The following PHF6 variants were observed in gnomAD, a reference collection of about 807,000 sequenced individuals.
PHF6 encodes PHD-like zinc finger protein.
A neutral mutation model predicts 34.0 loss-of-function variants in PHF6; 7 were observed. The observed-to-expected ratio is 0.21, with a 90% CI of 0.12 to 0.39. The LOEUF is 0.39. Ranked by LOEUF, PHF6 falls within the 10% of genes least tolerant of loss-of-function variation. The pLI, the probability that PHF6 is intolerant of heterozygous loss-of-function variation, is 1.00. For synonymous variants in PHF6, 89 were observed against 88.4 expected (o/e 1.01, Z -0.04); for missense variants, 128 against 262.8 (o/e 0.49, Z 3.55).
rs1175795678 is a variant in PHF6, at chrX:134,400,036, T to C, written c.418+6084T>C. On this transcript the variant is annotated intron_variant, in intron 5 of 10. Coordinates refer to ENST00000370803, the MANE Select transcript of PHF6 (RefSeq NM_001015877.2). ...ATGTCGTAGTTGGAATCATACAGTA[T>C]ATAGCTTTTTTCAGATTGGTCTCTT... Among the ~76,000 whole-genome samples, 4 of 111,585 alleles carry C rather than the reference T, an allele frequency of 3.6e-5. No individual in the cohort carries two copies. In the East Asian group the frequency reaches 8.4e-4, roughly 23 times the overall value.
At chrX:134,391,365 A>G (rs1405478189) in intron 3 of PHF6, among the ~76,000 whole-genome samples, 1 of 111,876 alleles carries the variant, frequency 8.9e-6, no homozygotes, top group Non-Finnish European at 1.9e-5. Context: ...TAATTGCTTG[A>G]GTGTGATTAT....
chrX:134,412,605 T>C (rs775809530), intron 5 of PHF6, among the ~76,000 whole-genome samples: 3 of 111,766 alleles, frequency 2.7e-5, no homozygotes, highest in Non-Finnish European at 5.6e-5. Context: ...ATTTGGTTTT[T>C]ATTACCCTTT....
At position 134,425,816 on chromosome X, in the gene PHF6, T is replaced by C. The variant is rs2077505752; in HGVS notation, c.*156T>C. On this transcript the variant is annotated 3_prime_UTR_variant, in exon 11 of 11. Transcript: ENST00000370803. ...CTGCCTAAAAATGTCTTGTTTGTTT[T>C]ATGAGCCCTCACTAGAAGGCTGAGT... 3 of 181,645 alleles carry C rather than the reference T, an allele frequency of 1.7e-5. No individual in the cohort carries two copies. In the Admixed American group the frequency reaches 2.2e-4, roughly 13 times the overall value. The allele number at this position is 181,645 out of a possible 1,213,427, so 15.0% of individuals were successfully genotyped here. A position where few individuals can be genotyped will look rare whatever the true frequency, so the allele number is the denominator to read the frequency against.
At chrX:134,383,864 CTT>C (rs1236826008) in intron 3 of PHF6, among the ~76,000 whole-genome samples, 2 of 111,552 alleles carry the variant, frequency 1.8e-5, no homozygotes, top group African/African-American at 6.5e-5. Flanking sequence ...TCCAAAATCA[CTT>C]TTAAAGAAAC....
At position 134,428,009 on chromosome X, in the gene PHF6, A is replaced by T; in HGVS notation, c.*2349A>T. 1 of 155,379 alleles carries T rather than the reference A, an allele frequency of 6.4e-6. No homozygotes were observed. Among genetic ancestry groups the T allele is most frequent in the Non-Finnish European group, 1.3e-5 (1 of 78,720 alleles). The allele number at this position is 155,379 out of a possible 1,213,427, so 12.8% of individuals were successfully genotyped here. On this transcript the variant is annotated 3_prime_UTR_variant, in exon 11 of 11. Transcript: ENST00000370803. ...CTTAACTGTAGTTTTAATAAGCATG[A>T]CATTATTTGATAAGTATATAACATT...
intron 5 of PHF6, among the ~76,000 whole-genome samples, chrX:134,406,110 C>CTTTCTTTCT (rs1556017668): frequency 4.0e-4 from 31 of 77,016 alleles, no homozygotes; most frequent in Non-Finnish European, 6.9e-4. Flanking sequence ...TTCTTTCTTT[C>CTTTCTTTCT]TTTTTTTTTT....
chrX:134,420,193 A>G (rs901475454), intron 9 of PHF6: 3 of 109,480 alleles, frequency 2.7e-5, no homozygotes, highest in Non-Finnish European at 5.7e-5. Flanking sequence ...TCACGCCTGT[A>G]ATCTCAACAC....
rs2077511151 is a variant in PHF6 at position 134,427,490 on chromosome X, A to T, written c.*1830A>T. The T allele has an allele frequency of 6.7e-6, 1 of 149,420 alleles. No individual in the cohort carries two copies. Among genetic ancestry groups the T allele is most frequent in the Non-Finnish European group, 1.3e-5 (1 of 76,402 alleles). The allele number at this position is 149,420 out of a possible 1,213,427, so 12.3% of individuals were successfully genotyped here. ...TCATTTTTGGACAACTACTGTAATC[A>T]TTTTTTTTTTAGGAAAAATGGAAGG... On this transcript the variant is annotated 3_prime_UTR_variant, in exon 11 of 11. Coordinates refer to ENST00000370803, the MANE Select transcript of PHF6 (RefSeq NM_001015877.2).
intron 3 of PHF6, among the ~76,000 whole-genome samples, chrX:134,392,197 C>T (rs1032020404): frequency 6.3e-5 from 7 of 111,776 alleles, no homozygotes; most frequent in South Asian, 3.7e-4. Context: ...GCTTAGAGGC[C>T]GAGTAATCCA....
chrX:134,399,898 T>A lies in PHF6; in HGVS notation c.418+5946T>A, dbSNP rs1250612755. ...CATTACAGTATCATACAGAATCATTTCACTGCCCTGAAAATCCCCTGTGCT... is the reference window on the plus strand; with the variant it reads ...CATTACAGTATCATACAGAATCATTACACTGCCCTGAAAATCCCCTGTGCT... On this transcript the variant is annotated intron_variant, in intron 5 of 10. Coordinates refer to ENST00000370803, the MANE Select transcript of PHF6 (RefSeq NM_001015877.2). Among the ~76,000 whole-genome samples the A allele has an allele frequency of 2.1e-4, 23 of 111,217 alleles. No homozygotes were observed. The Admixed American group carries it at 2.1e-3, about 10-fold the overall frequency.
chrX:134,394,140 T>A (rs191980895), intron 5 of PHF6, among the ~76,000 whole-genome samples, 188 bp downstream of exon 5: 1 of 111,186 alleles, frequency 9.0e-6, no homozygotes, highest in Admixed American at 9.6e-5. Context: ...CTTCTTTTTT[T>A]TTTTTTTTCC....
chrX:134,402,501 A>G (rs2077406711), intron 5 of PHF6, among the ~76,000 whole-genome samples: 1 of 111,802 alleles, frequency 8.9e-6, no homozygotes, highest in South Asian at 3.7e-4. Flanking sequence ...ATGATCTGGG[A>G]CAAATTATTT....
rs112506631 is a variant in PHF6 at position 134,410,056 on chromosome X, G to T, written c.419-3435G>T. On this transcript the variant is annotated intron_variant, in intron 5 of 10. Transcript: ENST00000370803. ...AGTCCACCGTTGACGCACACCTAGG[G>T]TGATTCCTTGTCTTTGCTATAATGA... 7.4e-3 allele frequency among the ~76,000 whole-genome samples: 824 copies of T among 111,926 alleles called. 5 individuals carry two copies. The highest frequency in any genetic ancestry group is 0.026 in the African/African-American group (788 of 30,778).
intron 5 of PHF6, among the ~76,000 whole-genome samples, chrX:134,405,584 A>G (rs2077419675): frequency 9.0e-6 from 1 of 111,536 alleles, no homozygotes; most frequent in Admixed American, 9.6e-5. Context: ...CACACTGTAC[A>G]AGCTTTCATT....
intron 1 of PHF6, among the ~76,000 whole-genome samples, chrX:134,374,740 A>G (rs181146075): frequency 1.1e-4 from 12 of 112,631 alleles, no homozygotes; most frequent in Admixed American, 1.9e-4. Flanking sequence ...TCAGAAATGC[A>G]TTGATTGCTT....
At chrX:134,388,816 T>A (rs2077341982) in intron 3 of PHF6, among the ~76,000 whole-genome samples, 1 of 112,178 alleles carries the variant, frequency 8.9e-6, no homozygotes, top group Non-Finnish European at 1.9e-5. Flanking sequence ...CCTAGTTAAG[T>A]TGACTGAGGA....
intron 5 of PHF6, among the ~76,000 whole-genome samples, chrX:134,399,927 C>T (rs773725075): frequency 2.7e-5 from 3 of 111,448 alleles, no homozygotes; most frequent in East Asian, 5.6e-4. Flanking sequence ...CTGTGCTCCA[C>T]CTTTTCCCTC....
chrX:134,389,064 T>A (rs2077342922), intron 3 of PHF6, among the ~76,000 whole-genome samples: 1 of 111,587 alleles, frequency 9.0e-6, no homozygotes, highest in Non-Finnish European at 1.9e-5. Flanking sequence ...TATCCCTAAT[T>A]TGAAGCTGTT....
chrX:134,410,903 A>G (rs1314462107), intron 5 of PHF6, among the ~76,000 whole-genome samples: 5 of 107,246 alleles, frequency 4.7e-5, no homozygotes, highest in Admixed American at 1.0e-4. Context: ...CAACTGCCTC[A>G]GCCACTGCGC....
Sources: allele counts gnomAD v4.1 joint callset (sites outside exome capture counted in the v4.1 genomes callset), GRCh38; gene constraint gnomAD v4.1.1; transcripts MANE v1.5; gene names NCBI Gene and HGNC (gene_info 2026-07-23, HGNC 2026-07-21).